Variants in CCBE1 observed in about 807,000 individuals in gnomAD.
CCBE1 encodes collagen and calcium-binding EGF domain-containing protein 1.
A neutral mutation model predicts 50.0 loss-of-function variants in CCBE1; 37 were observed. The ratio of observed to expected loss-of-function variants is 0.74; its 90% confidence interval spans 0.57 to 0.97. CCBE1 has a LOEUF of 0.97. Among genes scored for constraint, CCBE1 ranks in the 50% least tolerant of loss-of-function variants. The pLI is 0.00. For synonymous variants in CCBE1, 234 were observed against 203.7 expected, an observed-to-expected ratio of 1.15 and a Z score of -1.27; for missense variants, 538 against 523.8, an observed-to-expected ratio of 1.03 and a Z score of -0.26.
chr18:59,683,421 C>A (rs978089917), intron 2 of CCBE1, among the ~76,000 whole-genome samples: 3 of 152,096 alleles, frequency 2.0e-5, no homozygotes, highest in African/African-American at 7.2e-5. Flanking sequence ...GTTGGCCAGG[C>A]GGGGTGGCTC....
At chr18:59,564,762 A>G (rs28604935) in intron 2 of CCBE1, among the ~76,000 whole-genome samples, 18,700 of 152,288 alleles carry the variant, frequency 0.12, 1,621 homozygotes, top group African/African-American at 0.24. Context: ...TGGCTGGGGA[A>G]AGGAGAAACT....
chr18:59,526,309 A>AT (rs35895583), intron 2 of CCBE1, among the ~76,000 whole-genome samples: 5,278 of 130,142 alleles, frequency 0.041, 135 homozygotes, highest in East Asian at 0.12. Context: ...CTGATTTGAG[A>AT]TTTTTTTTTT....
chr18:59,490,091 A>C (rs1441528780), intron 2 of CCBE1, among the ~76,000 whole-genome samples: 1 of 145,896 alleles, frequency 6.9e-6, no homozygotes, highest in African/African-American at 2.6e-5. Context: ...GGTTCAAGTG[A>C]TTCTCCTGCC....
At chr18:59,656,583 A>G (rs1374996833) in intron 2 of CCBE1, among the ~76,000 whole-genome samples, 1 of 152,250 alleles carries the variant, frequency 6.6e-6, no homozygotes, top group Non-Finnish European at 1.5e-5. Context: ...ATTCCAGGTC[A>G]TTAGTTTCAG....
At chr18:59,510,944 C>G (rs932858953) in intron 2 of CCBE1, among the ~76,000 whole-genome samples, 1 of 152,170 alleles carries the variant, frequency 6.6e-6, no homozygotes, top group Non-Finnish European at 1.5e-5. Flanking sequence ...GTCCTTTATA[C>G]CATCAGGAGC....
intron 2 of CCBE1, among the ~76,000 whole-genome samples, chr18:59,564,289 G>A (rs918952858): frequency 2.4e-4 from 37 of 152,152 alleles, no homozygotes; most frequent in Admixed American, 2.0e-3. Context: ...CTAGACAATC[G>A]TCATTTGACA....
chr18:59,658,484 C>G (rs958765988), intron 2 of CCBE1, among the ~76,000 whole-genome samples: 1 of 138,052 alleles, frequency 7.2e-6, no homozygotes, highest in African/African-American at 2.7e-5. Flanking sequence ...AGACAGATTG[C>G]TCTAGCCCAA....
intron 2 of CCBE1, among the ~76,000 whole-genome samples, chr18:59,550,203 T>G (rs1915863426): frequency 6.6e-6 from 1 of 152,156 alleles, no homozygotes; most frequent in African/African-American, 2.4e-5. Context: ...GTGGGCAAGC[T>G]TCCTCTAATT....
intron 6 of CCBE1, among the ~76,000 whole-genome samples, chr18:59,454,627 A>AT (rs1283701265): frequency 1.3e-5 from 2 of 152,190 alleles, no homozygotes; most frequent in East Asian, 3.8e-4. Flanking sequence ...CCTAGTGTCC[A>AT]TTTTAATAAT....
chr18:59,565,928 T>G (rs2144468187), intron 2 of CCBE1, among the ~76,000 whole-genome samples: 1 of 152,300 alleles, frequency 6.6e-6, no homozygotes, highest in African/African-American at 2.4e-5. Flanking sequence ...TCAGGGCTCC[T>G]GAACTCCCCC....
chr18:59,492,616 G>A (rs1913164794), intron 2 of CCBE1, among the ~76,000 whole-genome samples: 1 of 152,182 alleles, frequency 6.6e-6, no homozygotes, highest in Non-Finnish European at 1.5e-5. Context: ...CAATGCCCTA[G>A]TGATGTAGAT....
intron 2 of CCBE1, among the ~76,000 whole-genome samples, chr18:59,532,626 G>C (rs80332794): frequency 0.016 from 2,404 of 152,272 alleles, 62 homozygotes; most frequent in African/African-American, 0.053. Flanking sequence ...AAAATCCTAT[G>C]ATGTTACCCA....
At chr18:59,493,482 A>G (rs766710450) in intron 2 of CCBE1, among the ~76,000 whole-genome samples, 9 of 152,232 alleles carry the variant, frequency 5.9e-5, no homozygotes, top group Admixed American at 4.6e-4. Context: ...AGTTTGACTT[A>G]AAGAAGAACT....
rs1910765837 is a variant in CCBE1, at chr18:59,448,073, G to T, written c.685C>A (p.Leu229Met). Residue 229 changes from leucine (L) to methionine (M), a missense_variant, in exon 7 of 11, where the codon CTG (leucine) becomes ATG (methionine). Transcript: ENST00000439986. The stretch of plus-strand genomic sequence containing the variant: ...TTGTCACCAGTGATATACTTGCCCA[G>T]GTCAGCTGCATTGTTGGGGAGCAGA... Reference protein sequence around the residue: ...IALLPNNAADLGKYITGDKVL... With the variant: ...IALLPNNAADMGKYITGDKVL... 6.2e-7 allele frequency: 1 copy of T among 1,614,028 alleles called. No individual in the cohort carries two copies. The highest frequency in any genetic ancestry group is 8.5e-7 in the Non-Finnish European group (1 of 1,180,038).
intron 2 of CCBE1, among the ~76,000 whole-genome samples, chr18:59,640,796 T>A (rs571634098): frequency 6.6e-6 from 1 of 151,860 alleles, no homozygotes; most frequent in South Asian, 2.1e-4. Context: ...AAGCAAAAAA[T>A]CCAAACAACC....
chr18:59,438,971 G>A (rs183769365), intron 9 of CCBE1, among the ~76,000 whole-genome samples: 22 of 152,138 alleles, frequency 1.4e-4, no homozygotes, highest in Admixed American at 2.6e-4. Flanking sequence ...GTAACATGGC[G>A]AAACCCCGTC....
intron 2 of CCBE1, among the ~76,000 whole-genome samples, chr18:59,682,014 G>A (rs971136619): frequency 3.3e-5 from 5 of 152,210 alleles, no homozygotes; most frequent in Admixed American, 2.0e-4. Context: ...GCGAGAGCCA[G>A]AGGGTTTCTG....
chr18:59,606,452 T>G (rs1488945789), intron 2 of CCBE1, among the ~76,000 whole-genome samples: 2 of 152,230 alleles, frequency 1.3e-5, no homozygotes, highest in Non-Finnish European at 2.9e-5. Flanking sequence ...TCTGCATACT[T>G]AACAGGACTG....
At chr18:59,556,755 A>G (rs2052662764) in intron 2 of CCBE1, among the ~76,000 whole-genome samples, 1 of 152,230 alleles carries the variant, frequency 6.6e-6, no homozygotes, top group Admixed American at 6.5e-5. Context: ...TTTTGTTCCC[A>G]CTGAAGTGGA....
Sources: gnomAD v4.1 joint callset for allele counts (sites outside exome capture counted in the v4.1 genomes callset) on GRCh38, gnomAD v4.1.1 for gene constraint, MANE v1.5 for transcripts, NCBI Gene and HGNC (gene_info 2026-07-23, HGNC 2026-07-21) for gene names.